Variants in NTRK2 observed in about 807,000 individuals in gnomAD.
NTRK2 encodes the protein BDNF/NT-3 growth factors receptor.
Under a neutral mutation model 94.5 loss-of-function variants are expected in NTRK2, and 13 were observed. The observed-to-expected ratio is 0.14, with a 90% confidence interval of 0.09 to 0.22. The LOEUF (loss-of-function observed/expected upper bound fraction) is 0.22, where lower values mean the gene tolerates loss of function less well. Ranked by LOEUF, NTRK2 falls within the 10% of genes least tolerant of loss-of-function variation. The pLI, the probability that NTRK2 is intolerant of heterozygous loss-of-function variation, is 1.00. For synonymous variants in NTRK2, 372 were observed against 407.4 expected, an observed-to-expected ratio of 0.91 and a Z score of 1.05; for missense variants, 639 against 1,071.2, an observed-to-expected ratio of 0.60 and a Z score of 5.63.
intron 11 of NTRK2, among the ~76,000 whole-genome samples, chr9:84,750,737 TGCCAACTCCTGGTTTAGAGAA>T (rs1043837138): frequency 3.3e-5 from 5 of 152,216 alleles, no homozygotes; most frequent in African/African-American, 1.2e-4. Flanking sequence ...AGCAAAAGTT[TGCCAACTCCTGGTTTAGAGAA>T]GCCAACTGTT....
At position 84,811,757 on chromosome 9, in the gene NTRK2, G is replaced by T. The variant is rs2071820167; in HGVS notation, c.1397-49283G>T. On this transcript the variant is annotated intron_variant, in intron 12 of 18. Transcript: ENST00000277120. The stretch of plus-strand genomic sequence containing the variant: ...TAATGTCCTTCTTCATTGCTGAGAG[G>T]GCAGCCTTAGAGCTGTGGATTTCTG... The T allele has an allele frequency of 2.8e-6, 3 of 1,065,608 alleles. No individual in the cohort carries two copies. The East Asian group carries it at 1.5e-4, about 53-fold the overall frequency. The allele number at this position is 1,065,608 out of a possible 1,614,324, so 66.0% of individuals were successfully genotyped here.
intron 17 of NTRK2, among the ~76,000 whole-genome samples, chr9:85,003,767 G>A (rs59928577): frequency 0.73 from 110,115 of 150,910 alleles, 40,858 homozygotes; most frequent in African/African-American, 0.82. Context: ...GTGAGGATCC[G>A]GGCAAAAGAA....
At chr9:84,821,529 A>C (rs1488412953) in intron 12 of NTRK2, among the ~76,000 whole-genome samples, 4 of 152,194 alleles carry the variant, frequency 2.6e-5, no homozygotes, top group Admixed American at 2.0e-4. Context: ...TTCCTTATAA[A>C]TAGCAAGAAG....
intron 2 of NTRK2, among the ~76,000 whole-genome samples, chr9:84,680,661 G>A (rs2059337229): frequency 6.6e-6 from 1 of 152,140 alleles, no homozygotes; most frequent in Non-Finnish European, 1.5e-5. Flanking sequence ...TCTTTAGTGT[G>A]ATTCCCTCCC....
At chr9:84,738,481 A>G (rs903356365) in intron 9 of NTRK2, among the ~76,000 whole-genome samples, 1 of 152,236 alleles carries the variant, frequency 6.6e-6, no homozygotes, top group African/African-American at 2.4e-5. Context: ...ACATCTGACC[A>G]TTGCCAGAAG....
At chr9:84,733,313 A>C (rs939032276) in intron 9 of NTRK2, among the ~76,000 whole-genome samples, 1 of 152,236 alleles carries the variant, frequency 6.6e-6, no homozygotes, top group African/African-American at 2.4e-5. Flanking sequence ...TCCAGTTCTC[A>C]GCCAGTTCCT....
chr9:84,768,685 T>G (rs1011097742), intron 12 of NTRK2, among the ~76,000 whole-genome samples: 3 of 152,092 alleles, frequency 2.0e-5, no homozygotes, highest in African/African-American at 7.2e-5. Flanking sequence ...TTTGTAGGTG[T>G]CAAAGAAAAC....
intron 14 of NTRK2, among the ~76,000 whole-genome samples, chr9:84,928,901 G>T (rs1302035928): frequency 6.6e-6 from 1 of 151,958 alleles, no homozygotes; most frequent in African/African-American, 2.4e-5. Context: ...TTAACTGCAG[G>T]TTGCTTTATC....
At chr9:84,787,636 T>C (rs1361046419) in intron 12 of NTRK2, among the ~76,000 whole-genome samples, 2 of 152,216 alleles carry the variant, frequency 1.3e-5, no homozygotes. Flanking sequence ...AAAACCCTCA[T>C]TTTCAGTTCT....
intron 17 of NTRK2, among the ~76,000 whole-genome samples, chr9:84,987,869 A>G (rs2133287034): frequency 6.6e-6 from 1 of 152,334 alleles, no homozygotes; most frequent in East Asian, 1.9e-4. Flanking sequence ...AATATTATTA[A>G]TTAGTGATAT....
chr9:84,766,016 C>T (rs2132724561), intron 12 of NTRK2, among the ~76,000 whole-genome samples: 1 of 152,150 alleles, frequency 6.6e-6, no homozygotes, highest in South Asian at 2.1e-4. Context: ...CTGAACAGAA[C>T]AAGCTTTCCA....
intron 17 of NTRK2, among the ~76,000 whole-genome samples, chr9:84,987,316 A>C (rs1332377489): frequency 6.6e-6 from 1 of 152,172 alleles, no homozygotes; most frequent in East Asian, 1.9e-4. Flanking sequence ...ATAGATTTTG[A>C]TATAGTTTTA....
chr9:84,743,967 A>T (rs906841496), intron 10 of NTRK2, among the ~76,000 whole-genome samples: 2 of 152,254 alleles, frequency 1.3e-5, no homozygotes, highest in African/African-American at 4.8e-5. Context: ...GCTAATAAAA[A>T]TACAATTTAA....
At chr9:84,997,782 G>A (rs1403794195) in intron 17 of NTRK2, among the ~76,000 whole-genome samples, 1 of 152,172 alleles carries the variant, frequency 6.6e-6, no homozygotes, top group Non-Finnish European at 1.5e-5. Flanking sequence ...CCTGGGTGGG[G>A]CTGGGGGGTG....
intron 12 of NTRK2, among the ~76,000 whole-genome samples, chr9:84,766,666 CAACACACA>C (rs981685100): frequency 6.6e-6 from 1 of 151,458 alleles, no homozygotes; most frequent in African/African-American, 2.4e-5. Context: ...TACACACACT[CAACACACA>C]AACACACACA....
At chr9:84,824,395 G>A (rs1225769824) in intron 12 of NTRK2, among the ~76,000 whole-genome samples, 3 of 152,226 alleles carry the variant, frequency 2.0e-5, no homozygotes, top group African/African-American at 7.2e-5. Flanking sequence ...CTTTCCACCT[G>A]CTTCTTACTG....
intron 10 of NTRK2, among the ~76,000 whole-genome samples, chr9:84,743,970 C>T (rs2063850535): frequency 6.6e-6 from 1 of 152,128 alleles, no homozygotes; most frequent in South Asian, 2.1e-4. Flanking sequence ...AATAAAAATA[C>T]AATTTAAATT....
intron 17 of NTRK2, among the ~76,000 whole-genome samples, chr9:85,003,196 T>C (rs1830514734): frequency 6.6e-6 from 1 of 152,132 alleles, no homozygotes; most frequent in Non-Finnish European, 1.5e-5. Flanking sequence ...TAAAAAGGGA[T>C]GCAGTGCATT....
chr9:84,908,517 C>A (rs542039422), intron 14 of NTRK2, among the ~76,000 whole-genome samples: 1 of 152,180 alleles, frequency 6.6e-6, no homozygotes, highest in Non-Finnish European at 1.5e-5. Flanking sequence ...CTTGATGACA[C>A]ATTTCTTTAA....
Sources: gnomAD v4.1 joint callset for allele counts (sites outside exome capture counted in the v4.1 genomes callset) on GRCh38, gnomAD v4.1.1 for gene constraint, MANE v1.5 for transcripts, NCBI Gene and HGNC (gene_info 2026-07-23, HGNC 2026-07-21) for gene names.